LBP: variants seen among roughly 807,000 people sequenced by gnomAD.
The protein encoded by LBP is lipopolysaccharide-binding protein.
LBP carries 53 observed loss-of-function variants against 56.6 expected under a neutral mutation model. The ratio of observed to expected loss-of-function variants is 0.94; its 90% CI spans 0.75 to 1.18. The LOEUF is 1.18. Among genes scored for constraint, LBP ranks in the 50% most tolerant of loss-of-function variants. The pLI is 0.00. For missense variants in LBP, 601 were observed against 598.3 expected, an observed-to-expected ratio of 1.00 and a Z score of -0.05; for synonymous variants, 227 against 247.5, an observed-to-expected ratio of 0.92 and a Z score of 0.78.
chr20:38,376,573 T>C, intron 14 of LBP, 52 bp from the exon 15 acceptor site: 1 of 1,541,168 alleles, frequency 6.5e-7, no homozygotes, highest in East Asian at 2.2e-5. Flanking sequence ...AGATGCATCT[T>C]TTTGGAGTAG....
intron 3 of LBP, among the ~76,000 whole-genome samples, chr20:38,353,014 T>C (rs2076825833): frequency 6.6e-6 from 1 of 152,192 alleles, no homozygotes. Context: ...ATATGTTACC[T>C]ACATATGCAC....
At chr20:38,358,959 G>A (rs974765413) in intron 5 of LBP, among the ~76,000 whole-genome samples, 2 of 152,230 alleles carry the variant, frequency 1.3e-5, no homozygotes, top group African/African-American at 4.8e-5. Flanking sequence ...TTCGAGCTGT[G>A]TCAGTGAAGG....
intron 6 of LBP, 125 bp from the exon 7 acceptor site, chr20:38,363,850 G>A: frequency 1.5e-6 from 1 of 686,988 alleles, no homozygotes; most frequent in East Asian, 2.7e-5. Flanking sequence ...TTTGCCTCAG[G>A]GCCGGGCTAG....
chr20:38,348,857 G>A (rs2076810694), intron 1 of LBP, among the ~76,000 whole-genome samples: 1 of 151,414 alleles, frequency 6.6e-6, no homozygotes, highest in African/African-American at 2.4e-5. Context: ...GCGGTAGTGC[G>A]ATCTCGGCTC....
At chr20:38,376,535 C>T (rs965665234) in intron 14 of LBP, 90 bp from the exon 15 acceptor site, 23 of 1,185,546 alleles carry the variant, frequency 1.9e-5, no homozygotes, top group African/African-American at 3.0e-5. Flanking sequence ...GCTTGTGTTT[C>T]GTGAGACGTG....
At chr20:38,366,625 C>A in intron 8 of LBP, 144 bp from the exon 9 acceptor site, 1 of 760,074 alleles carries the variant, frequency 1.3e-6, no homozygotes, top group South Asian at 1.5e-5. Context: ...TGGGTGAATG[C>A]AGGACAGGCA....
At position 38,374,845 on chromosome 20, in the gene LBP, G is replaced by A. The variant is rs368230490; in HGVS notation, c.1401+832G>A. On this transcript the variant is annotated intron_variant, in intron 14 of 14. Transcript: ENST00000217407. ...GTCACCCAGGCTGGAGTGCAGTGGT[G>A]CGATCTTGGCTTACTGCAACCTCTG... Among the ~76,000 whole-genome samples, 70 of 146,584 alleles carry A rather than the reference G, an allele frequency of 4.8e-4. No homozygotes were observed. In the East Asian group the frequency reaches 0.012, roughly 25 times the overall value.
At chr20:38,363,514 T>C (rs531554739) in intron 6 of LBP, among the ~76,000 whole-genome samples, 1 of 152,326 alleles carries the variant, frequency 6.6e-6, no homozygotes, top group East Asian at 1.9e-4. Context: ...CCTAAGCCCC[T>C]ATGCGGTTAT....
rs780049266 is a variant in LBP, at chr20:38,366,802, A to G, written c.955A>G (p.Lys319Glu). Residue 319 changes from lysine to glutamate, a missense_variant, in exon 9 of 15, where the codon AAG becomes GAG. Coordinates refer to ENST00000217407, the MANE Select transcript of LBP (RefSeq NM_004139.5). Reference protein sequence around the residue: ...PPDSNIRLTTKSFRPFVPRLA... With the variant: ...PPDSNIRLTTESFRPFVPRLA... ...TGACTCTAATATCCGACTGACCACC[A>G]AGTCCTTCCGACCCTTCGTCCCACG... is the stretch of plus-strand genomic sequence containing the variant. 6.2e-6 allele frequency: 10 copies of G among 1,613,918 alleles called. No homozygotes were observed. In the East Asian group the frequency reaches 8.9e-5, roughly 14 times the overall value.
Position 38,363,997 on chromosome 20 carries a change from C to T in LBP, c.675C>T (p.Phe225=), listed in dbSNP as rs147117775. Residue 225 remains phenylalanine, a synonymous_variant, in exon 7 of 15, where the codon TTC becomes TTT. Transcript: ENST00000217407. ...TLPVTTEIDS[F]ADIDYSLVEA... ...CAGTTACAACAGAGATTGACAGTTT[C>T]GCCGACATTGATTATAGCTTAGTGG... is the stretch of plus-strand genomic sequence containing the variant. 37 of 1,613,608 alleles carry T rather than the reference C, an allele frequency of 2.3e-5. No homozygotes were observed. The African/African-American group carries it at 2.8e-4, about 12-fold the overall frequency.
rs572810610 is a variant in LBP, at chr20:38,372,027, A to G, written c.1260+705A>G. 2.0e-5 allele frequency among the ~76,000 whole-genome samples: 3 copies of G among 152,346 alleles called. No individual in the cohort carries two copies. The South Asian group carries it at 6.2e-4, about 32-fold the overall frequency. On this transcript the variant is annotated intron_variant, in intron 12 of 14. Transcript: ENST00000217407. ...CTGGGGGAAAATAGACTCCGTTATC[A>G]AAACAAGAGGGATTGAGTGCTGAGC...
At chr20:38,361,347 ATG>A (rs1282246181) in intron 6 of LBP, among the ~76,000 whole-genome samples, 1 of 152,150 alleles carries the variant, frequency 6.6e-6, no homozygotes, top group Non-Finnish European at 1.5e-5. Flanking sequence ...TCATGAATCT[ATG>A]TGTATATGTA....
rs573691914 is a variant in LBP, at chr20:38,371,144, T to C, written c.1218-136T>C. On this transcript the variant is annotated intron_variant, in intron 11 of 14. Transcript: ENST00000217407. Reference sequence around the variant, plus strand: ...ATCACTGCTTTTAGTTCCTCAGTCATCTTTTCCACTCCTGCTCCCGCCCTA... The same window carrying C: ...ATCACTGCTTTTAGTTCCTCAGTCACCTTTTCCACTCCTGCTCCCGCCCTA... 1.7e-3 allele frequency: 1,114 copies of C among 664,364 alleles called. 3 individuals carry two copies. Among genetic ancestry groups the C allele is most frequent in the Non-Finnish European group, 2.0e-3 (765 of 373,342 alleles). 41.2% of individuals were successfully genotyped at this position (664,364 alleles called of 1,614,324 possible).
rs1383090972 is a variant in LBP, at chr20:38,369,827, A to G, written c.1149+665A>G. 2.1e-4 allele frequency among the ~76,000 whole-genome samples: 32 copies of G among 152,164 alleles called. 1 individual carries two copies. The highest frequency in any genetic ancestry group is 2.1e-3 in the Admixed American group (32 of 15,270). Reference sequence around the variant, plus strand: ...ATCACTTGTATAACCAATTCCCCGTATTAAATTCCCTCTGCGTTAAACATT... The same window carrying G: ...ATCACTTGTATAACCAATTCCCCGTGTTAAATTCCCTCTGCGTTAAACATT... On this transcript the variant is annotated intron_variant, in intron 10 of 14. Coordinates refer to ENST00000217407, the MANE Select transcript of LBP (RefSeq NM_004139.5).
chr20:38,371,326 A>G lies in LBP; in HGVS notation c.1260+4A>G. On this transcript the variant is annotated splice_donor_region_variant and intron_variant, in intron 12 of 14. Coordinates refer to ENST00000217407, the MANE Select transcript of LBP (RefSeq NM_004139.5). ...ATCCAAAGTTGGACTATTCAATGTA[A>G]GTTGTTTTTATTGATGACATGATTA... is the stretch of plus-strand genomic sequence containing the variant. The G allele has an allele frequency of 6.3e-7, 1 of 1,598,198 alleles. No individual in the cohort carries two copies. Among genetic ancestry groups the G allele is most frequent in the Non-Finnish European group, 8.6e-7 (1 of 1,166,224 alleles).
chr20:38,351,468 G>C (rs753435614), intron 3 of LBP, among the ~76,000 whole-genome samples: 5 of 152,100 alleles, frequency 3.3e-5, no homozygotes, highest in Non-Finnish European at 7.4e-5. Context: ...GCTTCCAGGG[G>C]CTCTGGCTCT....
chr20:38,358,083 C>T (rs898248119), intron 5 of LBP, among the ~76,000 whole-genome samples: 2 of 152,160 alleles, frequency 1.3e-5, no homozygotes, highest in African/African-American at 4.8e-5. Flanking sequence ...CATCTGGTGA[C>T]TAAGAATGCC....
chr20:38,357,951 G>A (rs2076847053), intron 5 of LBP, among the ~76,000 whole-genome samples: 1 of 152,158 alleles, frequency 6.6e-6, no homozygotes, highest in African/African-American at 2.4e-5. Flanking sequence ...GATGACCAGA[G>A]GGCACTCTCA....
At position 38,369,140 on chromosome 20, in the gene LBP, AG is replaced by A; in HGVS notation, c.1128del (p.Glu376AspfsTer16). The A allele has an allele frequency of 6.2e-7, 1 of 1,614,052 alleles. No homozygotes were observed. Among genetic ancestry groups the A allele is most frequent in the Non-Finnish European group, 8.5e-7 (1 of 1,179,994 alleles). On this transcript the variant is annotated frameshift_variant, in exon 10 of 15. Transcript: ENST00000217407. LOFTEE classifies it high-confidence loss of function. ...AFVLLPSSSK[E>X]PVFRLSVATN... is the part of the protein sequence containing the mutation. Reference sequence around the variant, plus strand: ...GTGCTCCTGCCCAGCTCCAGCAAGGAGCCTGTCTTCCGGCTCAGTGTGGTAA... The same window carrying A: ...GTGCTCCTGCCCAGCTCCAGCAAGGACCTGTCTTCCGGCTCAGTGTGGTAA...
Sources: allele counts gnomAD v4.1 joint callset (sites outside exome capture counted in the v4.1 genomes callset), GRCh38; gene constraint gnomAD v4.1.1; transcripts MANE v1.5; gene names NCBI Gene and HGNC (gene_info 2026-07-23, HGNC 2026-07-21).